Variants in AXDND1 observed in about 807,000 individuals in gnomAD.
AXDND1 encodes axonemal dynein light chain domain containing 1.
Under a neutral mutation model 137.5 loss-of-function variants are expected in AXDND1, and 110 were observed. The observed-to-expected ratio is 0.80, with a 90% CI of 0.69 to 0.94. The LOEUF (loss-of-function observed/expected upper bound fraction) is 0.94, where lower values mean the gene tolerates loss of function less well. Among genes scored for constraint, AXDND1 ranks in the 40% least tolerant of loss-of-function variants. The pLI is 0.00. For synonymous variants in AXDND1, 414 were observed against 399.7 expected (o/e 1.04, Z -0.43); for missense variants, 1,191 against 1,169.8 (o/e 1.02, Z -0.26).
chr1:179,506,937 GC>G, intron 20 of AXDND1: 1 of 980,566 alleles, frequency 1.0e-6, no homozygotes, highest in South Asian at 4.7e-5. Context: ...GTAAATTCAA[GC>G]CCCAGCTTTC....
chr1:179,371,861 A>G (rs1458808147), intron 4 of AXDND1, among the ~76,000 whole-genome samples: 1 of 152,224 alleles, frequency 6.6e-6, no homozygotes. Flanking sequence ...TCAGTCGCCA[A>G]CTGTCAAGGG....
intron 14 of AXDND1, among the ~76,000 whole-genome samples, chr1:179,431,020 T>C (rs1407172511): frequency 6.6e-6 from 1 of 152,174 alleles, no homozygotes; most frequent in Non-Finnish European, 1.5e-5. Flanking sequence ...ATTAGAGAAA[T>C]CTGACAATGA....
intron 22 of AXDND1, among the ~76,000 whole-genome samples, chr1:179,527,574 A>G (rs1409226261): frequency 1.3e-5 from 2 of 152,180 alleles, no homozygotes; most frequent in African/African-American, 4.8e-5. Context: ...GCCTGTCACA[A>G]GCTGATCACC....
intron 12 of AXDND1, among the ~76,000 whole-genome samples, chr1:179,421,116 T>C (rs1244666799): frequency 1.3e-5 from 2 of 151,090 alleles, no homozygotes; most frequent in Non-Finnish European, 1.5e-5. Context: ...TTGTCAAAGA[T>C]GGTTGGCTAT....
intron 10 of AXDND1, among the ~76,000 whole-genome samples, chr1:179,394,467 A>G (rs1254225883): frequency 6.6e-6 from 1 of 152,068 alleles, no homozygotes; most frequent in Non-Finnish European, 1.5e-5. Context: ...GCACATGCCT[A>G]TAATCCCAAC....
chr1:179,485,146 C>T (rs1250277221), intron 18 of AXDND1, among the ~76,000 whole-genome samples: 1 of 152,222 alleles, frequency 6.6e-6, no homozygotes, highest in Non-Finnish European at 1.5e-5. Context: ...CTGCAAATGT[C>T]CACATCCCTG....
At chr1:179,435,466 C>T (rs866644662) in intron 15 of AXDND1, among the ~76,000 whole-genome samples, 3 of 152,124 alleles carry the variant, frequency 2.0e-5, no homozygotes, top group South Asian at 2.1e-4. Flanking sequence ...GTAACCAAAA[C>T]GTCATGGTAC....
intron 21 of AXDND1, among the ~76,000 whole-genome samples, chr1:179,511,768 G>A (rs1396530722): frequency 6.6e-6 from 1 of 151,978 alleles, no homozygotes; most frequent in Non-Finnish European, 1.5e-5. Flanking sequence ...GCAGGAGTAG[G>A]GTGGTATTGC....
At chr1:179,552,545 G>A (rs1673440682) in intron 25 of AXDND1, 2 of 1,334,540 alleles carry the variant, frequency 1.5e-6, no homozygotes, top group Non-Finnish European at 2.1e-6. Flanking sequence ...AAGGGGAAAT[G>A]TTCTCCACGA....
chr1:179,418,732 C>T (rs1655133184), intron 12 of AXDND1, among the ~76,000 whole-genome samples: 2 of 150,654 alleles, frequency 1.3e-5, no homozygotes, highest in South Asian at 4.2e-4. Context: ...CCCCACCTCC[C>T]TCCCGGACGG....
chr1:179,387,213 C>G (rs1649357140), intron 9 of AXDND1, among the ~76,000 whole-genome samples: 3 of 152,114 alleles, frequency 2.0e-5, no homozygotes, highest in Admixed American at 2.0e-4. Flanking sequence ...CAGAATATCA[C>G]AGACGGGGGG....
At chr1:179,411,072 T>G in intron 11 of AXDND1, 74 bp from the exon 12 acceptor site, 1 of 1,223,320 alleles carries the variant, frequency 8.2e-7, no homozygotes. Context: ...AAAACAAATT[T>G]CTTTTTTAAA....
intron 17 of AXDND1, among the ~76,000 whole-genome samples, chr1:179,473,673 T>C (rs1319858817): frequency 6.6e-6 from 1 of 152,160 alleles, no homozygotes; most frequent in African/African-American, 2.4e-5. Context: ...TCATCTTGAA[T>C]TGCAATCCCC....
intron 25 of AXDND1, chr1:179,551,433 C>G: frequency 6.2e-7 from 1 of 1,613,574 alleles, no homozygotes; most frequent in Non-Finnish European, 8.5e-7. Context: ...GCAGCCTTTT[C>G]CGCTTCTGCA....
At position 179,456,996 on chromosome 1, in the gene AXDND1, C is replaced by T. The variant is rs1661499642; in HGVS notation, c.1799-11447C>T. ...CTTAGGTGATGTTCTTCAGTGTCTTCTTTAATGCCACCAACAAATATCTTT... is the reference window on the plus strand; with the variant it reads ...CTTAGGTGATGTTCTTCAGTGTCTTTTTTAATGCCACCAACAAATATCTTT... On this transcript the variant is annotated intron_variant, in intron 16 of 25. Coordinates refer to ENST00000367618, the MANE Select transcript of AXDND1 (RefSeq NM_144696.6). 20 of 1,569,638 alleles carry T rather than the reference C, an allele frequency of 1.3e-5. No individual in the cohort carries two copies. The South Asian group carries it at 2.0e-4, about 16-fold the overall frequency.
chr1:179,471,523 T>C (rs1054858209), intron 17 of AXDND1, among the ~76,000 whole-genome samples: 1 of 152,242 alleles, frequency 6.6e-6, no homozygotes, highest in African/African-American at 2.4e-5. Flanking sequence ...ATAATCCTTT[T>C]TATTTCTGAA....
chr1:179,450,282 G>C (rs1660373287), intron 16 of AXDND1: 1 of 152,196 alleles, frequency 6.6e-6, no homozygotes, highest in South Asian at 2.1e-4. Context: ...CCAAAGTGCT[G>C]GGATTATAGG....
intron 12 of AXDND1, among the ~76,000 whole-genome samples, chr1:179,419,628 GGGGAGA>G (rs1241772454): frequency 2.5e-4 from 27 of 109,912 alleles, no homozygotes; most frequent in African/African-American, 5.2e-4. Context: ...GGGAGATGGT[GGGGAGA>G]GGGAGAGGGA....
At chr1:179,460,988 C>A (rs1662241486) in intron 16 of AXDND1, among the ~76,000 whole-genome samples, 2 of 152,048 alleles carry the variant, frequency 1.3e-5, no homozygotes, top group African/African-American at 4.8e-5. Context: ...AAATTTTCTC[C>A]CATTCTGTAG....
Sources: gnomAD v4.1 joint callset for allele counts (sites outside exome capture counted in the v4.1 genomes callset) on GRCh38, gnomAD v4.1.1 for gene constraint, MANE v1.5 for transcripts, NCBI Gene and HGNC (gene_info 2026-07-23, HGNC 2026-07-21) for gene names.